The following ALKBH8 variants were observed in gnomAD, a reference collection of about 807,000 sequenced individuals.
The protein encoded by ALKBH8 is tRNA (carboxymethyluridine(34)-5-O)-methyltransferase ALKBH8.
A neutral mutation model predicts 59.8 loss-of-function variants in ALKBH8; 36 were observed. The observed-to-expected ratio is 0.60, with a 90% CI of 0.46 to 0.79. The LOEUF (loss-of-function observed/expected upper bound fraction) is 0.79, where lower values mean the gene tolerates loss of function less well. Ranked by LOEUF, ALKBH8 falls within the 30% of genes least tolerant of loss-of-function variation. The pLI is 0.00. For missense variants in ALKBH8, 768 were observed against 801.0 expected (o/e 0.96, Z 0.50); for synonymous variants, 276 against 273.6 (o/e 1.01, Z -0.09).
Position 107,525,516 on chromosome 11 carries a change from C to G in ALKBH8, c.955G>C (p.Asp319His). ...AGTCCCCTCTTGCTTAAAGTTAAGT[C>G]TCCAACATCACTGGTGATAATTCCA... ...KSGIITSDVG[D>H]LTLSKRGLRT... Residue 319 changes from aspartate to histidine, a missense_variant, in exon 9 of 12, where the codon GAC becomes CAC. Transcript: ENST00000428149. The G allele has an allele frequency of 3.2e-6, 5 of 1,539,808 alleles. No homozygotes were observed. The highest frequency in any genetic ancestry group is 4.4e-6 in the Non-Finnish European group (5 of 1,142,102).
chr11:107,512,811 A>G (rs1426298652), intron 10 of ALKBH8, among the ~76,000 whole-genome samples: 2 of 152,200 alleles, frequency 1.3e-5, no homozygotes, highest in Admixed American at 6.5e-5. Flanking sequence ...AATAAAGACT[A>G]TGAATGCTCA....
At chr11:107,522,154 G>A in intron 10 of ALKBH8, 145 bp downstream of exon 10, 1 of 1,054,860 alleles carries the variant, frequency 9.5e-7, no homozygotes, top group Non-Finnish European at 1.3e-6. Flanking sequence ...GAATAAGAAA[G>A]AATAAAAAAA....
In ALKBH8 at chr11:107,505,119, T is replaced by C; in HGVS notation, c.1534A>G (p.Lys512Glu). 1.3e-6 allele frequency: 2 copies of C among 1,551,364 alleles called. No individual in the cohort carries two copies. The highest frequency in any genetic ancestry group is 1.7e-6 in the Non-Finnish European group (2 of 1,146,958). The change falls in exon 12 of 12, where the codon AAG becomes GAG. Residue 512 changes from lysine to glutamate, a missense_variant. Coordinates refer to ENST00000428149, the MANE Select transcript of ALKBH8 (RefSeq NM_138775.3). ...YVWAMEQEYN[K>E]QKSKYLRGNR... Reference sequence around the variant, plus strand: ...CCTCTAAGATACTTGGACTTCTGCTTATTATATTCTTGTTCCATTGCCCAG... The same window carrying C: ...CCTCTAAGATACTTGGACTTCTGCTCATTATATTCTTGTTCCATTGCCCAG...
chr11:107,535,754 G>C (rs575915998), intron 7 of ALKBH8, among the ~76,000 whole-genome samples: 1 of 152,176 alleles, frequency 6.6e-6, no homozygotes, highest in South Asian at 2.1e-4. Flanking sequence ...TGGGTAATGT[G>C]TCCACAATGT....
intron 6 of ALKBH8, among the ~76,000 whole-genome samples, chr11:107,551,086 A>G (rs1864471375): frequency 6.6e-6 from 1 of 152,242 alleles, no homozygotes; most frequent in African/African-American, 2.4e-5. Flanking sequence ...GTCATCCTGC[A>G]ATTGTCTCCC....
Position 107,510,936 on chromosome 11 carries a change from G to C in ALKBH8, c.1388C>G (p.Ser463Cys). ...DALAVPVRSG[S>C]CDACISIAVI... ...AGCAATGGAGATGCAGGCATCACAA[G>C]ACCCACTGCGGACTGGTACTGCCAA... is the stretch of plus-strand genomic sequence containing the variant. The change falls in exon 11 of 12, where the codon TCT becomes TGT. Residue 463 changes from serine (S) to cysteine (C), a missense_variant. Transcript: ENST00000428149. The C allele has an allele frequency of 6.4e-7, 1 of 1,551,736 alleles. No individual in the cohort carries two copies. The highest frequency in any genetic ancestry group is 8.7e-7 in the Non-Finnish European group (1 of 1,146,958).
intron 10 of ALKBH8, among the ~76,000 whole-genome samples, chr11:107,513,096 C>A (rs1591250640): frequency 6.6e-6 from 1 of 152,280 alleles, no homozygotes; most frequent in East Asian, 1.9e-4. Context: ...AAGAAACTAT[C>A]AACAGAGTGA....
At chr11:107,543,686 G>T (rs1864137195) in intron 7 of ALKBH8, among the ~76,000 whole-genome samples, 1 of 151,980 alleles carries the variant, frequency 6.6e-6, no homozygotes, top group African/African-American at 2.4e-5. Flanking sequence ...TTACATAAAT[G>T]AATGAAAATT....
Position 107,504,737 on chromosome 11 carries a change from C to A in ALKBH8, c.1916G>T (p.Cys639Phe). 3 of 1,552,114 alleles carry A rather than the reference C, an allele frequency of 1.9e-6. No homozygotes were observed. In the African/African-American group the frequency reaches 4.1e-5, roughly 21 times the overall value. Reference protein sequence around the residue: ...VFREGELEGACRTVSDVRILQ... With the variant: ...VFREGELEGAFRTVSDVRILQ... ...AATTCTGACATCACTCACAGTCCTGCAGGCACCTTCCAGTTCTCCCTCACG... is the reference window on the plus strand; with the variant it reads ...AATTCTGACATCACTCACAGTCCTGAAGGCACCTTCCAGTTCTCCCTCACG... Residue 639 changes from cysteine (C) to phenylalanine (F), a missense_variant, in exon 12 of 12, where the codon TGC becomes TTC. Transcript: ENST00000428149.
chr11:107,525,707 T>C (rs1011318965), intron 8 of ALKBH8, 115 bp from the exon 9 acceptor site: 4 of 687,276 alleles, frequency 5.8e-6, no homozygotes, highest in Non-Finnish European at 8.4e-6. Flanking sequence ...CAAATATCTA[T>C]TGGATTCCCT....
rs752172434 is a variant in ALKBH8 at position 107,505,221 on chromosome 11, GA to G, written c.1438-7del. 6 of 1,503,838 alleles carry G rather than the reference GA, an allele frequency of 4.0e-6. No individual in the cohort carries two copies. Among genetic ancestry groups the G allele is most frequent in the East Asian group, 2.5e-5 (1 of 40,540 alleles). The allele number at this position is 1,503,838 out of a possible 1,614,324, so 93.2% of individuals were successfully genotyped here. On this transcript the variant is annotated splice_region_variant and splice_polypyrimidine_tract_variant and intron_variant, in intron 11 of 11. Transcript: ENST00000428149. Reference sequence around the variant, plus strand: ...AGAGCTGCCACTCTACGCTCCTAATGAAAAAAAACAAAACACATGATCAACC... The same window carrying G: ...AGAGCTGCCACTCTACGCTCCTAATGAAAAAAACAAAACACATGATCAACC...
intron 11 of ALKBH8, 144 bp from the exon 12 acceptor site, chr11:107,505,359 GAAGA>G (rs1359349930): frequency 5.3e-6 from 4 of 760,618 alleles, no homozygotes; most frequent in African/African-American, 1.8e-5. Flanking sequence ...AGGAAAAAAA[GAAGA>G]AAGAGCATTC....
rs1430324023 is a variant in ALKBH8 at position 107,550,655 on chromosome 11, C to A, written c.701-832G>T. On this transcript the variant is annotated intron_variant, in intron 6 of 11. Coordinates refer to ENST00000428149, the MANE Select transcript of ALKBH8 (RefSeq NM_138775.3). ...TGTAGTATTCACAAATCCACAGCTA[C>A]AAATCTAAAGCCATCAGTTTTCATT... is the stretch of plus-strand genomic sequence containing the variant. 2.0e-5 allele frequency among the ~76,000 whole-genome samples: 3 copies of A among 152,176 alleles called. No homozygotes were observed. In the East Asian group the frequency reaches 5.8e-4, roughly 29 times the overall value.
chr11:107,565,594 C>A lies in ALKBH8; in HGVS notation c.-7+7G>T. On this transcript the variant is annotated splice_region_variant and intron_variant, in intron 1 of 11. Coordinates refer to ENST00000428149, the MANE Select transcript of ALKBH8 (RefSeq NM_138775.3). ...CCGTATGCCCGCCAGTAAGAAGTGC[C>A]ACACACCTCCGCTTCGGCTCAGGCC... The A allele has an allele frequency of 6.5e-7, 1 of 1,535,722 alleles. No individual in the cohort carries two copies. The highest frequency in any genetic ancestry group is 8.7e-7 in the Non-Finnish European group (1 of 1,146,916).
chr11:107,548,528 G>A (rs1374756200), intron 7 of ALKBH8, among the ~76,000 whole-genome samples: 1 of 152,160 alleles, frequency 6.6e-6, no homozygotes, highest in Admixed American at 6.5e-5. Context: ...AGAAACCAGA[G>A]AGAGAAGAGT....
At chr11:107,521,176 ATT>A (rs1350165118) in intron 10 of ALKBH8, among the ~76,000 whole-genome samples, 7 of 152,166 alleles carry the variant, frequency 4.6e-5, no homozygotes, top group Admixed American at 4.6e-4. Context: ...ATTTTGAGGT[ATT>A]CTTTGTACTT....
intron 10 of ALKBH8, among the ~76,000 whole-genome samples, chr11:107,518,275 T>C (rs1407723435): frequency 6.6e-6 from 1 of 152,220 alleles, no homozygotes; most frequent in East Asian, 1.9e-4. Context: ...ATCAATTTTC[T>C]AAATGATAGT....
intron 10 of ALKBH8, among the ~76,000 whole-genome samples, chr11:107,514,867 G>GA (rs1039125155): frequency 1.3e-5 from 2 of 151,626 alleles, no homozygotes; most frequent in Non-Finnish European, 2.9e-5. Context: ...TTACTCAAAA[G>GA]AGGAAAGTTA....
rs949696021 is a variant in ALKBH8 at position 107,508,233 on chromosome 11, C to T, written c.1437+2654G>A. On this transcript the variant is annotated intron_variant, in intron 11 of 11. Transcript: ENST00000428149. Reference sequence around the variant, plus strand: ...CACCCAGGCTGGAGTACAGTGGGCACGATCTCGGCTCACTGCAACTTCCAC... The same window carrying T: ...CACCCAGGCTGGAGTACAGTGGGCATGATCTCGGCTCACTGCAACTTCCAC... Among the ~76,000 whole-genome samples the T allele has an allele frequency of 4.7e-5, 7 of 149,926 alleles. No homozygotes were observed. The East Asian group carries it at 1.4e-3, about 29-fold the overall frequency.
Sources: allele counts gnomAD v4.1 joint callset (sites outside exome capture counted in the v4.1 genomes callset), GRCh38; gene constraint gnomAD v4.1.1; transcripts MANE v1.5; gene names NCBI Gene and HGNC (gene_info 2026-07-23, HGNC 2026-07-21).